MAP3K5: variants seen among roughly 807,000 people sequenced by gnomAD.
The protein encoded by MAP3K5 is ASK-1.
A neutral mutation model predicts 158.7 loss-of-function variants in MAP3K5; 56 were observed. The observed-to-expected ratio is 0.35, with a 90% CI of 0.28 to 0.44. MAP3K5 has a LOEUF of 0.44. MAP3K5 is among the 20% of genes least tolerant of loss of function. The pLI, the probability that MAP3K5 is intolerant of heterozygous loss-of-function variation, is 1.00. For synonymous variants in MAP3K5, 579 were observed against 601.7 expected (o/e 0.96, Z 0.55); for missense variants, 1,294 against 1,674.8 (o/e 0.77, Z 3.97).
intron 1 of MAP3K5, among the ~76,000 whole-genome samples, chr6:136,785,610 T>C (rs1185022509): frequency 6.6e-6 from 1 of 152,136 alleles, no homozygotes; most frequent in Non-Finnish European, 1.5e-5. Context: ...GGAAGAAGCC[T>C]AAAGGAAGTG....
chr6:136,727,755 T>C (rs1562650052), intron 1 of MAP3K5, among the ~76,000 whole-genome samples: 1 of 152,010 alleles, frequency 6.6e-6, no homozygotes, highest in African/African-American at 2.4e-5. Context: ...GGTCAGGAGA[T>C]CGAGACCATC....
chr6:136,722,554 C>T (rs924987918), intron 1 of MAP3K5, among the ~76,000 whole-genome samples: 1 of 151,790 alleles, frequency 6.6e-6, no homozygotes, highest in African/African-American at 2.4e-5. Context: ...ATTAAACCAA[C>T]TATAAAATGC....
intron 18 of MAP3K5, 68 bp downstream of exon 18, chr6:136,611,214 A>G (rs1776330044): frequency 1.1e-6 from 1 of 900,044 alleles, no homozygotes; most frequent in Non-Finnish European, 1.8e-6. Context: ...TCTCTCTCAC[A>G]TTGTGCTCAA....
At chr6:136,579,482 T>C (rs546685642) in intron 25 of MAP3K5, among the ~76,000 whole-genome samples, 1 of 152,312 alleles carries the variant, frequency 6.6e-6, no homozygotes, top group South Asian at 2.1e-4. Context: ...TGTATTAAAA[T>C]CAAGTTCTTA....
chr6:136,642,741 G>T (rs1042399543), intron 11 of MAP3K5, among the ~76,000 whole-genome samples, 172 bp from the exon 12 acceptor site: 19 of 152,124 alleles, frequency 1.2e-4, no homozygotes, highest in Admixed American at 9.8e-4. Context: ...AAGTCCCAAG[G>T]GTAATGATTA....
chr6:136,761,668 G>A (rs1051282833), intron 1 of MAP3K5, among the ~76,000 whole-genome samples: 2 of 152,158 alleles, frequency 1.3e-5, no homozygotes, highest in Non-Finnish European at 2.9e-5. Context: ...CACAGAAAGG[G>A]GGCCTTGTGA....
intron 18 of MAP3K5, among the ~76,000 whole-genome samples, chr6:136,610,862 A>C (rs1202053377): frequency 6.6e-6 from 1 of 152,066 alleles, no homozygotes; most frequent in East Asian, 1.9e-4. Context: ...TAATCCCAAC[A>C]CTTTTGGAGG....
Position 136,757,595 on chromosome 6 carries a change from T to A in MAP3K5, c.448+34115A>T, listed in dbSNP as rs558499709. ...TATTTATTTATTTTTTATTTTTTTTTTTTTTTTTTGAGACGGAGTTTCGCT... is the reference window on the plus strand; with the variant it reads ...TATTTATTTATTTTTTATTTTTTTTATTTTTTTTTGAGACGGAGTTTCGCT... On this transcript the variant is annotated intron_variant, in intron 1 of 29. Coordinates refer to ENST00000359015, the MANE Select transcript of MAP3K5 (RefSeq NM_005923.4). Among the ~76,000 whole-genome samples the A allele has an allele frequency of 1.5e-3, 224 of 148,312 alleles. 1 individual carries two copies. The highest frequency in any genetic ancestry group is 5.2e-3 in the African/African-American group (210 of 40,690).
intron 1 of MAP3K5, among the ~76,000 whole-genome samples, chr6:136,737,128 T>C (rs978867230): frequency 2.0e-5 from 3 of 150,378 alleles, no homozygotes; most frequent in African/African-American, 4.9e-5. Context: ...CCTAAGCAAA[T>C]TACTGCAAGT....
chr6:136,629,082 T>C (rs1777184057), intron 14 of MAP3K5: 1 of 152,236 alleles, frequency 6.6e-6, no homozygotes, highest in African/African-American at 2.4e-5. Context: ...ATCATGAGAA[T>C]TTTTCTAGAA....
At chr6:136,559,184 C>T (rs1562504726) in intron 28 of MAP3K5, among the ~76,000 whole-genome samples, 1 of 152,120 alleles carries the variant, frequency 6.6e-6, no homozygotes, top group Non-Finnish European at 1.5e-5. Context: ...AACCCCATCT[C>T]TACTAAAAAT....
intron 1 of MAP3K5, among the ~76,000 whole-genome samples, chr6:136,764,456 G>C (rs1783879865): frequency 6.6e-6 from 1 of 152,172 alleles, no homozygotes. Context: ...GAAAAGAACT[G>C]AGGCCCAACA....
chr6:136,707,500 G>C (rs1274466232), intron 2 of MAP3K5, among the ~76,000 whole-genome samples: 1 of 151,976 alleles, frequency 6.6e-6, no homozygotes, highest in Non-Finnish European at 1.5e-5. Context: ...TTATCACAGG[G>C]AGCTAAAGAA....
At chr6:136,647,622 C>T (rs753992346) in intron 11 of MAP3K5, 11 of 152,218 alleles carry the variant, frequency 7.2e-5, no homozygotes, top group Non-Finnish European at 1.3e-4. Context: ...ATATCTCCCA[C>T]CTCCCTCAAC....
intron 10 of MAP3K5, among the ~76,000 whole-genome samples, chr6:136,654,403 T>C (rs1270566791): frequency 6.6e-6 from 1 of 152,220 alleles, no homozygotes; most frequent in Non-Finnish European, 1.5e-5. Context: ...TAATTATCTC[T>C]TCATATAAAT....
intron 2 of MAP3K5, among the ~76,000 whole-genome samples, chr6:136,714,998 T>C (rs1437151076): frequency 6.6e-6 from 1 of 152,038 alleles, no homozygotes; most frequent in Non-Finnish European, 1.5e-5. Flanking sequence ...GAATAGTCTA[T>C]TAATGAAAAT....
chr6:136,717,253 T>C (rs1384508853), intron 2 of MAP3K5, among the ~76,000 whole-genome samples: 1 of 152,200 alleles, frequency 6.6e-6, no homozygotes, highest in Non-Finnish European at 1.5e-5. Context: ...TTAAATGCTA[T>C]GACTAGATTC....
chr6:136,632,104 A>G (rs1777390301), intron 14 of MAP3K5, among the ~76,000 whole-genome samples: 1 of 152,144 alleles, frequency 6.6e-6, no homozygotes, highest in Admixed American at 6.5e-5. Flanking sequence ...GAGGCCGGAG[A>G]AGCATGGCCA....
intron 21 of MAP3K5, 55 bp from the exon 22 acceptor site, chr6:136,592,669 T>C: frequency 7.1e-7 from 1 of 1,402,614 alleles, no homozygotes; most frequent in Non-Finnish European, 1.0e-6. Flanking sequence ...AATGTACACA[T>C]ACTGAAACAC....
Sources: gnomAD v4.1 joint callset for allele counts (sites outside exome capture counted in the v4.1 genomes callset) on GRCh38, gnomAD v4.1.1 for gene constraint, MANE v1.5 for transcripts, NCBI Gene and HGNC (gene_info 2026-07-23, HGNC 2026-07-21) for gene names.